The following CTNNA3 variants were observed in gnomAD, a reference collection of about 807,000 sequenced individuals.
The protein encoded by CTNNA3 is catenin alpha-3.
CTNNA3 carries 76 observed loss-of-function variants against 95.7 expected under a neutral mutation model. That is an observed-to-expected ratio of 0.79 (90% CI 0.66 to 0.96). CTNNA3 has a LOEUF of 0.96. Ranked by LOEUF, CTNNA3 falls within the 40% of genes least tolerant of loss-of-function variation. The pLI is 0.00. For missense variants in CTNNA3, 1,191 were observed against 1,089.8 expected, an observed-to-expected ratio of 1.09 and a Z score of -1.31; for synonymous variants, 431 against 374.4, an observed-to-expected ratio of 1.15 and a Z score of -1.74.
intron 13 of CTNNA3, among the ~76,000 whole-genome samples, chr10:66,222,762 A>T (rs925272975): frequency 3.3e-5 from 5 of 151,908 alleles, no homozygotes; most frequent in Admixed American, 1.3e-4. Flanking sequence ...GGAAAAGAAA[A>T]GAAAAGAGAA....
intron 16 of CTNNA3, among the ~76,000 whole-genome samples, chr10:65,972,774 A>G (rs993900700): frequency 6.6e-6 from 1 of 152,138 alleles, no homozygotes; most frequent in African/African-American, 2.4e-5. Flanking sequence ...TGCTGCTCAA[A>G]GCAATCTACA....
At chr10:66,053,178 G>T (rs544197613) in intron 15 of CTNNA3, among the ~76,000 whole-genome samples, 1 of 151,596 alleles carries the variant, frequency 6.6e-6, no homozygotes, top group East Asian at 1.9e-4. Context: ...CATTATCAGA[G>T]ATCACCTTTT....
At chr10:66,097,266 G>A (rs901447166) in intron 14 of CTNNA3, among the ~76,000 whole-genome samples, 1 of 152,028 alleles carries the variant, frequency 6.6e-6, no homozygotes, top group African/African-American at 2.4e-5. Flanking sequence ...CCCATATCAG[G>A]AGTCAGAGAG....
chr10:66,783,395 C>T (rs1840616454), intron 7 of CTNNA3, among the ~76,000 whole-genome samples: 1 of 152,066 alleles, frequency 6.6e-6, no homozygotes, highest in African/African-American at 2.4e-5. Context: ...TTAAATTGCA[C>T]ATTATGTCTT....
rs538397020 is a variant in CTNNA3, at chr10:67,043,717, T to C, written c.1047+136600A>G. ...CCTAAAAAGGAATCATCCATCTTTA[T>C]ATGTCTTTTCATCTATCATTGGTAT... On this transcript the variant is annotated intron_variant, in intron 7 of 17. Coordinates refer to ENST00000433211, the MANE Select transcript of CTNNA3 (RefSeq NM_013266.4). Among the ~76,000 whole-genome samples the C allele has an allele frequency of 3.3e-5, 5 of 152,290 alleles. No homozygotes were observed. The East Asian group carries it at 5.8e-4, about 18-fold the overall frequency.
At chr10:66,220,883 TG>T (rs963405340) in intron 13 of CTNNA3, among the ~76,000 whole-genome samples, 3 of 151,964 alleles carry the variant, frequency 2.0e-5, no homozygotes, top group Non-Finnish European at 2.9e-5. Flanking sequence ...AGGTACAGGA[TG>T]GGGGGTGAGG....
intron 15 of CTNNA3, among the ~76,000 whole-genome samples, chr10:66,056,856 T>C (rs1188714189): frequency 2.6e-5 from 4 of 152,180 alleles, no homozygotes; most frequent in Non-Finnish European, 5.9e-5. Context: ...TATATGACAG[T>C]AGAGCTTTGA....
intron 7 of CTNNA3, among the ~76,000 whole-genome samples, chr10:66,794,874 C>T (rs1195064019): frequency 1.5e-5 from 1 of 67,788 alleles, no homozygotes; most frequent in East Asian, 7.5e-4. Context: ...GACTCGATTG[C>T]ATCTCACAAA....
At chr10:67,517,713 AGATATC>A (rs1839866523) in intron 5 of CTNNA3, among the ~76,000 whole-genome samples, 1 of 152,148 alleles carries the variant, frequency 6.6e-6, no homozygotes, top group Non-Finnish European at 1.5e-5. Flanking sequence ...GCCCATCAAG[AGATATC>A]ACCTTAGAAA....
At chr10:66,201,932 G>A (rs2087449320) in intron 13 of CTNNA3, among the ~76,000 whole-genome samples, 1 of 151,702 alleles carries the variant, frequency 6.6e-6, no homozygotes, top group Non-Finnish European at 1.5e-5. Context: ...GGGATTACAG[G>A]TGCCTGGCAC....
intron 5 of CTNNA3, among the ~76,000 whole-genome samples, chr10:67,400,936 ATGTGAG>A (rs1844892988): frequency 6.6e-6 from 1 of 152,178 alleles, no homozygotes; most frequent in African/African-American, 2.4e-5. Flanking sequence ...TCATCCTCAA[ATGTGAG>A]TGCTTATCTA....
At chr10:66,114,100 T>G (rs1381179031) in intron 13 of CTNNA3, among the ~76,000 whole-genome samples, 1 of 152,152 alleles carries the variant, frequency 6.6e-6, no homozygotes, top group Non-Finnish European at 1.5e-5. Flanking sequence ...ACCGGTGCCA[T>G]GAATATCAGA....
At position 65,915,446 on chromosome 10, in the gene CTNNA3, TC is replaced by T; in HGVS notation, c.*4883del. 1 of 152,224 alleles carries T rather than the reference TC, an allele frequency of 6.6e-6. No individual in the cohort carries two copies. 9.4% of individuals were successfully genotyped at this position (152,224 alleles called of 1,614,324 possible). ...TCTGCAACTACCCCTCTCAGACCCT[TC>T]CCTACCTCTGGCACCTTCTTATTTG... On this transcript the variant is annotated 3_prime_UTR_variant, in exon 18 of 18. Coordinates refer to ENST00000433211, the MANE Select transcript of CTNNA3 (RefSeq NM_013266.4).
chr10:66,284,472 C>G (rs183670270), intron 12 of CTNNA3, among the ~76,000 whole-genome samples: 1 of 151,866 alleles, frequency 6.6e-6, no homozygotes, highest in African/African-American at 2.4e-5. Flanking sequence ...AATTGCTGCT[C>G]TCCTGGGGGA....
chr10:66,881,892 C>A (rs556499349), intron 7 of CTNNA3, among the ~76,000 whole-genome samples: 1 of 152,052 alleles, frequency 6.6e-6, no homozygotes, highest in African/African-American at 2.4e-5. Flanking sequence ...AGGTAATGTA[C>A]GATGACAAAC....
chr10:66,194,472 T>C (rs2086845717), intron 13 of CTNNA3, among the ~76,000 whole-genome samples: 2 of 152,044 alleles, frequency 1.3e-5, no homozygotes, highest in South Asian at 4.1e-4. Flanking sequence ...CCTAGCTACT[T>C]GGGAGGCTGA....
chr10:66,807,209 T>A (rs560084535), intron 7 of CTNNA3, among the ~76,000 whole-genome samples: 15 of 152,158 alleles, frequency 9.9e-5, no homozygotes, highest in African/African-American at 3.6e-4. Flanking sequence ...CTGTTGTACC[T>A]GGAGCTCCTG....
intron 3 of CTNNA3, among the ~76,000 whole-genome samples, chr10:67,592,768 C>A (rs572240989): frequency 2.3e-4 from 35 of 152,278 alleles, no homozygotes; most frequent in African/African-American, 8.4e-4. Flanking sequence ...CTAATCCTCT[C>A]ACAAATAACA....
chr10:67,662,125 C>T (rs1464343256), intron 1 of CTNNA3, among the ~76,000 whole-genome samples: 1 of 152,134 alleles, frequency 6.6e-6, no homozygotes, highest in African/African-American at 2.4e-5. Context: ...GTCATCCCCC[C>T]AATCCTTGGG....
Sources: gnomAD v4.1 joint callset for allele counts (sites outside exome capture counted in the v4.1 genomes callset) on GRCh38, gnomAD v4.1.1 for gene constraint, MANE v1.5 for transcripts, NCBI Gene and HGNC (gene_info 2026-07-23, HGNC 2026-07-21) for gene names.